The following TAFA2 variants were observed in gnomAD, a reference collection of about 807,000 sequenced individuals.
TAFA2 encodes the protein chemokine-like protein TAFA-2.
Under a neutral mutation model 18.8 loss-of-function variants are expected in TAFA2, and 7 were observed. The observed-to-expected ratio is 0.37, with a 90% confidence interval of 0.21 to 0.70. The LOEUF is 0.70. Ranked by LOEUF, TAFA2 falls within the 30% of genes least tolerant of loss-of-function variation. The pLI is 0.53. For missense variants in TAFA2, 122 were observed against 158.1 expected (o/e 0.77, Z 1.23); for synonymous variants, 60 against 54.2 (o/e 1.11, Z -0.47).
In TAFA2 at chr12:61,984,403, T is replaced by C. The variant is rs539050205; in HGVS notation, c.-1-116977A>G. On this transcript the variant is annotated intron_variant, in intron 1 of 4. Transcript: ENST00000416284. ...TCACGTAGCTCTTTCCACCCTGCCA[T>C]GCTGAACACTGTACAAAAGATGGGG... 4.1e-4 allele frequency among the ~76,000 whole-genome samples: 62 copies of C among 152,348 alleles called. 1 individual carries two copies. In the South Asian group the frequency reaches 9.3e-3, roughly 23 times the overall value.
At chr12:61,792,171 C>T (rs187242004) in intron 2 of TAFA2, among the ~76,000 whole-genome samples, 115 of 151,290 alleles carry the variant, frequency 7.6e-4, no homozygotes, top group African/African-American at 2.6e-3. Context: ...GTTGATCTTA[C>T]AGAAGTAGTG....
At chr12:62,215,779 C>T (rs1259323443) in intron 1 of TAFA2, among the ~76,000 whole-genome samples, 1 of 134,384 alleles carries the variant, frequency 7.4e-6, no homozygotes, top group Non-Finnish European at 1.6e-5. Context: ...ATGACACTTG[C>T]AAGTTACATT....
intron 1 of TAFA2, among the ~76,000 whole-genome samples, chr12:62,224,386 G>A (rs762355164): frequency 6.6e-6 from 1 of 152,130 alleles, no homozygotes; most frequent in Admixed American, 6.5e-5. Context: ...CATGGTGCCA[G>A]TAAATTCTGA....
rs1054005875 is a variant in TAFA2 at position 61,968,178 on chromosome 12, G to A, written c.-1-100752C>T. Among the ~76,000 whole-genome samples the A allele has an allele frequency of 4.0e-5, 6 of 151,742 alleles. 1 individual carries two copies. Among genetic ancestry groups the A allele is most frequent in the Admixed American group, 2.0e-4 (3 of 15,194 alleles). On this transcript the variant is annotated intron_variant, in intron 1 of 4. Transcript: ENST00000416284. ...TCAAAAACTTCATTTCTGCTGGTCT[G>A]ACCTTATTTTCTTTTTCTATATACA...
chr12:62,022,343 C>T (rs1421186420), intron 1 of TAFA2, among the ~76,000 whole-genome samples: 1 of 152,122 alleles, frequency 6.6e-6, no homozygotes, highest in Non-Finnish European at 1.5e-5. Flanking sequence ...AAATGGTGAT[C>T]CTAGAAGAAA....
At chr12:62,006,763 C>A (rs546615926) in intron 1 of TAFA2, among the ~76,000 whole-genome samples, 1 of 152,114 alleles carries the variant, frequency 6.6e-6, no homozygotes, top group Admixed American at 6.5e-5. Context: ...ACCAATATAT[C>A]TTCTCCCCAA....
chr12:61,851,379 C>T lies in TAFA2; in HGVS notation c.106+15941G>A, dbSNP rs943251939. ...GGGGCATAGTGCCTTCAAGAAATTG[C>T]CAAAAAGAAGCTCTGGATCATTCTG... On this transcript the variant is annotated intron_variant, in intron 2 of 4. Coordinates refer to ENST00000416284, the MANE Select transcript of TAFA2 (RefSeq NM_178539.5). Among the ~76,000 whole-genome samples, 19 of 152,180 alleles carry T rather than the reference C, an allele frequency of 1.2e-4. No homozygotes were observed. The East Asian group carries it at 3.5e-3, about 28-fold the overall frequency.
At chr12:61,806,278 T>C (rs939417011) in intron 2 of TAFA2, among the ~76,000 whole-genome samples, 9 of 152,124 alleles carry the variant, frequency 5.9e-5, no homozygotes, top group African/African-American at 2.2e-4. Flanking sequence ...CCCATACTCT[T>C]CTTGTGATAA....
chr12:62,122,280 C>T (rs1022455820), intron 1 of TAFA2, among the ~76,000 whole-genome samples: 2 of 152,136 alleles, frequency 1.3e-5, no homozygotes, highest in African/African-American at 4.8e-5. Flanking sequence ...GTGAGATCAG[C>T]ATATGATCTG....
intron 2 of TAFA2, among the ~76,000 whole-genome samples, chr12:61,823,942 G>A (rs1203491344): frequency 6.6e-6 from 1 of 152,134 alleles, no homozygotes; most frequent in Non-Finnish European, 1.5e-5. Flanking sequence ...CTTATAGAAT[G>A]CCCTCTTTTT....
intron 2 of TAFA2, among the ~76,000 whole-genome samples, chr12:61,857,759 A>AC (rs1170181709): frequency 2.7e-5 from 4 of 149,426 alleles, no homozygotes; most frequent in Non-Finnish European, 5.9e-5. Context: ...CTGAAGGTTC[A>AC]CCCCCTCCTT....
chr12:62,228,210 G>A (rs564465653), intron 1 of TAFA2, among the ~76,000 whole-genome samples: 15 of 152,000 alleles, frequency 9.9e-5, no homozygotes, highest in Non-Finnish European at 1.8e-4. Context: ...GGAATCCTTC[G>A]TGTTTATTGT....
intron 1 of TAFA2, among the ~76,000 whole-genome samples, chr12:62,066,239 A>G (rs1182731909): frequency 1.3e-5 from 2 of 151,714 alleles, no homozygotes; most frequent in Non-Finnish European, 1.5e-5. Flanking sequence ...CATTCAGATA[A>G]ATAGAGTATC....
chr12:61,808,969 G>A (rs1251371048), intron 2 of TAFA2, among the ~76,000 whole-genome samples: 1 of 151,514 alleles, frequency 6.6e-6, no homozygotes, highest in Non-Finnish European at 1.5e-5. Context: ...CTAAGCGAAT[G>A]TGACTCATCT....
chr12:61,927,877 C>G (rs904346509), intron 1 of TAFA2, among the ~76,000 whole-genome samples: 4 of 152,180 alleles, frequency 2.6e-5, no homozygotes, highest in Non-Finnish European at 5.9e-5. Context: ...ACCATCTGAC[C>G]TTTGACAAAC....
chr12:62,049,285 A>C (rs980115619), intron 1 of TAFA2, among the ~76,000 whole-genome samples: 1 of 152,226 alleles, frequency 6.6e-6, no homozygotes, highest in African/African-American at 2.4e-5. Flanking sequence ...TCACCAAATC[A>C]TGATCCTACC....
intron 1 of TAFA2, among the ~76,000 whole-genome samples, chr12:62,125,942 C>T (rs1230713429): frequency 1.3e-5 from 2 of 152,008 alleles, no homozygotes; most frequent in East Asian, 3.9e-4. Context: ...CAGTGCTTGG[C>T]ATATAATAAG....
chr12:61,809,299 T>C lies in TAFA2; in HGVS notation c.107-54275A>G, dbSNP rs570337964. Among the ~76,000 whole-genome samples the C allele has an allele frequency of 1.3e-3, 201 of 151,734 alleles. 12 individuals carry two copies. Among genetic ancestry groups the C allele is most frequent in the African/African-American group, 4.6e-3 (187 of 40,994 alleles). ...TCATATTTAAAATAGTTATAAAGCA[T>C]CTTCCTTATATTTAGGATGACATTA... On this transcript the variant is annotated intron_variant, in intron 2 of 4. Transcript: ENST00000416284.
intron 1 of TAFA2, among the ~76,000 whole-genome samples, chr12:62,032,789 A>C (rs1438106574): frequency 6.6e-6 from 1 of 152,182 alleles, no homozygotes; most frequent in Non-Finnish European, 1.5e-5. Context: ...TATATGAATC[A>C]GACAAAAAGA....
Sources: allele counts gnomAD v4.1 joint callset (sites outside exome capture counted in the v4.1 genomes callset), GRCh38; gene constraint gnomAD v4.1.1; transcripts MANE v1.5; gene names NCBI Gene and HGNC (gene_info 2026-07-23, HGNC 2026-07-21).